The following LGR6 variants were observed in gnomAD, a reference collection of about 807,000 sequenced individuals.
LGR6 encodes leucine rich repeat containing G protein-coupled receptor 6.
Under a neutral mutation model 69.4 loss-of-function variants are expected in LGR6, and 45 were observed. The observed-to-expected ratio is 0.65, with a 90% CI of 0.51 to 0.83. The LOEUF (loss-of-function observed/expected upper bound fraction) is 0.83, where lower values mean the gene tolerates loss of function less well. Among genes scored for constraint, LGR6 ranks in the 40% least tolerant of loss-of-function variants. The pLI is 0.00. For missense variants in LGR6, 1,108 were observed against 1,246.7 expected (o/e 0.89, Z 1.68); for synonymous variants, 538 against 555.0 (o/e 0.97, Z 0.43).
chr1:202,318,250 A>G lies in LGR6; in HGVS notation c.1947A>G (p.Ala649=), dbSNP rs150105217. 7.6e-5 allele frequency: 123 copies of G among 1,611,094 alleles called. No homozygotes were observed. The highest frequency in any genetic ancestry group is 1.0e-4 in the Non-Finnish European group (121 of 1,178,806). The change falls in exon 18 of 18, where the codon GCA becomes GCG. Residue 649 remains alanine (A), a synonymous_variant. Transcript: ENST00000367278. ...GCTGCCGGGCCACTGGCTTCCTGGC[A>G]GTACTTGGGTCGGAGGCATCGGTGC... is the stretch of plus-strand genomic sequence containing the variant. ...GLGCRATGFL[A]VLGSEASVLL...
At chr1:202,298,177 A>G (rs1212507431) in intron 7 of LGR6, among the ~76,000 whole-genome samples, 3 of 152,242 alleles carry the variant, frequency 2.0e-5, no homozygotes, top group Non-Finnish European at 1.5e-5. Flanking sequence ...ACAAAATGGT[A>G]TATAACTCCA....
intron 4 of LGR6, among the ~76,000 whole-genome samples, chr1:202,252,073 T>C (rs1263159925): frequency 6.6e-6 from 1 of 151,916 alleles, no homozygotes; most frequent in South Asian, 2.1e-4. Context: ...ACCACTTACG[T>C]CATCTCACTC....
At chr1:202,308,684 G>A (rs1469192541) in intron 14 of LGR6, among the ~76,000 whole-genome samples, 1 of 152,194 alleles carries the variant, frequency 6.6e-6, no homozygotes. Context: ...GGTTCCCCAA[G>A]CGGGTGGGCA....
chr1:202,303,706 C>T (rs955370589), intron 10 of LGR6, among the ~76,000 whole-genome samples: 3 of 152,162 alleles, frequency 2.0e-5, no homozygotes, highest in Admixed American at 1.3e-4. Context: ...CCAACAAAGA[C>T]GTTCTTGTAT....
intron 1 of LGR6, chr1:202,203,934 G>A (rs865934552): frequency 1.2e-5 from 14 of 1,215,154 alleles, no homozygotes; most frequent in Non-Finnish European, 1.6e-5. Flanking sequence ...GAGGGGGTGC[G>A]ATTTTATTTC....
chr1:202,238,387 G>C (rs1015496297), intron 4 of LGR6, among the ~76,000 whole-genome samples: 2 of 142,394 alleles, frequency 1.4e-5, no homozygotes, highest in East Asian at 4.4e-4. Context: ...GATTACAGGA[G>C]TAAGCCACTG....
intron 1 of LGR6, among the ~76,000 whole-genome samples, chr1:202,220,785 G>A (rs1660101634): frequency 6.6e-6 from 1 of 152,080 alleles, no homozygotes; most frequent in African/African-American, 2.4e-5. Flanking sequence ...CAACCCCAGG[G>A]GCTCGGCTCC....
intron 1 of LGR6, among the ~76,000 whole-genome samples, chr1:202,216,944 A>T (rs1659825174): frequency 6.6e-6 from 1 of 152,212 alleles, no homozygotes; most frequent in East Asian, 1.9e-4. Flanking sequence ...AACTAATTGC[A>T]TGGGGGCAGG....
intron 1 of LGR6, among the ~76,000 whole-genome samples, chr1:202,194,772 C>T (rs1438874497): frequency 6.6e-6 from 1 of 151,610 alleles, no homozygotes; most frequent in Non-Finnish European, 1.5e-5. Context: ...CAGAAAGGGA[C>T]TCTGCCAGCA....
intron 4 of LGR6, among the ~76,000 whole-genome samples, chr1:202,239,348 T>C (rs1368830494): frequency 3.4e-5 from 1 of 29,064 alleles, no homozygotes; most frequent in Non-Finnish European, 6.9e-5. Context: ...GTGTGTGGTG[T>C]GTGTGTGTGT....
At chr1:202,313,405 C>A (rs992089010) in intron 16 of LGR6, among the ~76,000 whole-genome samples, 5 of 152,098 alleles carry the variant, frequency 3.3e-5, no homozygotes, top group Admixed American at 1.3e-4. Flanking sequence ...GAACCCTCCC[C>A]ACCCCCTGAC....
At chr1:202,228,843 T>C (rs1660777125) in intron 3 of LGR6, among the ~76,000 whole-genome samples, 1 of 152,170 alleles carries the variant, frequency 6.6e-6, no homozygotes, top group African/African-American at 2.4e-5. Flanking sequence ...TAGGGACTGA[T>C]GCTGGAGCAA....
intron 6 of LGR6, among the ~76,000 whole-genome samples, chr1:202,296,993 G>A (rs773266237): frequency 2.0e-5 from 3 of 151,958 alleles, no homozygotes; most frequent in Non-Finnish European, 4.4e-5. Flanking sequence ...AAATTGGAAA[G>A]TACAGAAAAG....
intron 6 of LGR6, among the ~76,000 whole-genome samples, chr1:202,289,848 A>C (rs1261299136): frequency 6.6e-6 from 1 of 152,226 alleles, no homozygotes; most frequent in African/African-American, 2.4e-5. Context: ...CAGAGTTTAC[A>C]ATCTCTCCAA....
chr1:202,294,975 A>G (rs1667043996), intron 6 of LGR6, among the ~76,000 whole-genome samples: 1 of 152,230 alleles, frequency 6.6e-6, no homozygotes, highest in Admixed American at 6.5e-5. Context: ...TGGAATAGCA[A>G]GCAAAGTCTC....
At chr1:202,283,697 G>T (rs186206812) in intron 6 of LGR6, among the ~76,000 whole-genome samples, 1 of 152,306 alleles carries the variant, frequency 6.6e-6, no homozygotes, top group Admixed American at 6.5e-5. Context: ...CAGGCATCTG[G>T]AACTGCACAG....
intron 4 of LGR6, among the ~76,000 whole-genome samples, chr1:202,245,357 A>T (rs907175525): frequency 6.6e-6 from 1 of 152,094 alleles, no homozygotes; most frequent in African/African-American, 2.4e-5. Flanking sequence ...AACATGGGTA[A>T]TTTGGCTCCT....
chr1:202,261,708 A>T (rs1664250693), intron 4 of LGR6, among the ~76,000 whole-genome samples: 1 of 152,178 alleles, frequency 6.6e-6, no homozygotes, highest in East Asian at 1.9e-4. Context: ...CAACAGTGTA[A>T]AAGTATTCCT....
At chr1:202,312,437 G>A (rs1001425071) in intron 16 of LGR6, among the ~76,000 whole-genome samples, 3 of 152,172 alleles carry the variant, frequency 2.0e-5, no homozygotes, top group Admixed American at 1.3e-4. Flanking sequence ...CTCAGCCTCC[G>A]ACCTGCCCTG....
Sources: allele counts gnomAD v4.1 joint callset (sites outside exome capture counted in the v4.1 genomes callset), GRCh38; gene constraint gnomAD v4.1.1; transcripts MANE v1.5; gene names NCBI Gene and HGNC (gene_info 2026-07-23, HGNC 2026-07-21).